The following RBM28 variants were observed in gnomAD, a reference collection of about 807,000 sequenced individuals.
RBM28 encodes the protein RNA binding motif protein 28, also known as RNA-binding protein 28.
A neutral mutation model predicts 98.3 loss-of-function variants in RBM28; 78 were observed. That is an observed-to-expected ratio of 0.79 (90% CI 0.66 to 0.96). The LOEUF (loss-of-function observed/expected upper bound fraction) is 0.96. Among genes scored for constraint, RBM28 ranks in the 40% least tolerant of loss-of-function variants. The pLI, the probability that RBM28 is intolerant of heterozygous loss-of-function variation, is 0.00. For missense variants in RBM28, 838 were observed against 913.0 expected, an observed-to-expected ratio of 0.92 and a Z score of 1.06; for synonymous variants, 306 against 330.9, an observed-to-expected ratio of 0.92 and a Z score of 0.82.
chr7:128,336,346 T>C (rs1246478133), intron 6 of RBM28, among the ~76,000 whole-genome samples: 2 of 152,224 alleles, frequency 1.3e-5, no homozygotes, highest in African/African-American at 2.4e-5. Flanking sequence ...TCGTACATCA[T>C]AGCCAGCAAA....
At chr7:128,339,023 T>C (rs1412512481) in intron 3 of RBM28, among the ~76,000 whole-genome samples, 1 of 152,204 alleles carries the variant, frequency 6.6e-6, no homozygotes, top group East Asian at 1.9e-4. Context: ...TCTTTCTCAG[T>C]AGTAGTTTCC....
rs1795879325 is a variant in RBM28 at position 128,306,975 on chromosome 7, T to C, written c.*3822A>G. 1 of 151,984 alleles carries C rather than the reference T, an allele frequency of 6.6e-6. No individual in the cohort carries two copies. The highest frequency in any genetic ancestry group is 1.5e-5 in the Non-Finnish European group (1 of 68,050). 9.4% of individuals were successfully genotyped at this position (151,984 alleles called of 1,614,324 possible). ...AAGAAGGAAAGAACTAAAACAAGGATGTGAATAACTTCTAAACTGGTCAGC... is the reference window on the plus strand; with the variant it reads ...AAGAAGGAAAGAACTAAAACAAGGACGTGAATAACTTCTAAACTGGTCAGC... On this transcript the variant is annotated 3_prime_UTR_variant, in exon 19 of 19. Transcript: ENST00000223073.
At chr7:128,338,659 A>G (rs967651113) in intron 4 of RBM28, 67 bp downstream of exon 4, 2 of 1,147,622 alleles carry the variant, frequency 1.7e-6, no homozygotes, top group African/African-American at 1.5e-5. Flanking sequence ...CATATATATC[A>G]TATATGTTTG....
At position 128,302,757 on chromosome 7, in the gene RBM28, A is replaced by G. The variant is rs927702141; in HGVS notation, c.*8040T>C. ...GCAGGAAAAGAAGCTGGTCAAGTAAAGGGTTTAATCCTTTTTTATTTTTAT... is the reference window on the plus strand; with the variant it reads ...GCAGGAAAAGAAGCTGGTCAAGTAAGGGGTTTAATCCTTTTTTATTTTTAT... On this transcript the variant is annotated 3_prime_UTR_variant, in exon 19 of 19. Transcript: ENST00000223073. 1.3e-5 allele frequency: 2 copies of G among 152,148 alleles called. No individual in the cohort carries two copies. The highest frequency in any genetic ancestry group is 1.3e-4 in the Admixed American group (2 of 15,268). The allele number at this position is 152,148 out of a possible 1,614,324, so 9.4% of individuals were successfully genotyped here.
In RBM28 at chr7:128,339,657, TG is replaced by T; in HGVS notation, c.252del (p.Asn84LysfsTer33). 6.2e-7 allele frequency: 1 copy of T among 1,614,162 alleles called. No individual in the cohort carries two copies. The highest frequency in any genetic ancestry group is 8.5e-7 in the Non-Finnish European group (1 of 1,180,002). On this transcript the variant is annotated frameshift_variant, in exon 2 of 19. Transcript: ENST00000223073. LOFTEE classifies it high-confidence loss of function. ...CCATTTTTCCCCTTTTCCTTTGTCT[TG>T]TTCCTCAGTTTTTTCTTGGCAACAG... ...NVTVAKKKLR[N>X]KTKEKGKNEN...
intron 5 of RBM28, 50 bp downstream of exon 5, chr7:128,338,200 C>T (rs1345413214): frequency 4.2e-6 from 6 of 1,445,516 alleles, no homozygotes; most frequent in Non-Finnish European, 4.9e-6. Flanking sequence ...CACTAATTCA[C>T]CAAAACACCA....
intron 15 of RBM28, 82 bp from the exon 16 acceptor site, chr7:128,317,815 C>G: frequency 6.7e-7 from 1 of 1,487,512 alleles, no homozygotes; most frequent in Non-Finnish European, 9.3e-7. Flanking sequence ...CTTCACACAT[C>G]CTCCCCCAAC....
At chr7:128,331,141 C>T (rs1796471700) in intron 9 of RBM28, among the ~76,000 whole-genome samples, 1 of 152,180 alleles carries the variant, frequency 6.6e-6, no homozygotes, top group East Asian at 1.9e-4. Flanking sequence ...TAAACAGACA[C>T]ATACAAAGAC....
Position 128,314,769 on chromosome 7 carries a change from T to C in RBM28, c.2040A>G (p.Lys680=), listed in dbSNP as rs199732946. Residue 680 remains lysine, a synonymous_variant, in exon 17 of 19, where the codon AAA becomes AAG. Coordinates refer to ENST00000223073, the MANE Select transcript of RBM28 (RefSeq NM_018077.3). The stretch of plus-strand genomic sequence containing the variant: ...TCTGCCCTCCTGCATCTCACCTGAT[T>C]TTGGGGCCTCGGTGTGAGGGGAGCG... The part of the protein sequence containing the change: ...VLALPSHRGP[K]IRLRDKGKVK... 2.8e-5 allele frequency: 46 copies of C among 1,614,214 alleles called. No individual in the cohort carries two copies. In the East Asian group the frequency reaches 9.6e-4, roughly 34 times the overall value.
intron 1 of RBM28, among the ~76,000 whole-genome samples, chr7:128,341,374 T>C (rs999878231): frequency 4.6e-5 from 7 of 152,254 alleles, no homozygotes; most frequent in African/African-American, 7.2e-5. Flanking sequence ...TAAAAGAGTT[T>C]GACACCCAAA....
At chr7:128,343,001 T>C (rs1402274848) in intron 1 of RBM28, among the ~76,000 whole-genome samples, 1 of 152,234 alleles carries the variant, frequency 6.6e-6, no homozygotes, top group Non-Finnish European at 1.5e-5. Context: ...ATTTTTCTCC[T>C]TAGCATTTGA....
chr7:128,325,739 C>T lies in RBM28; in HGVS notation c.1203+79G>A, dbSNP rs1018672844. The T allele has an allele frequency of 4.1e-6, 4 of 964,814 alleles. No homozygotes were observed. The African/African-American group carries it at 4.9e-5, about 12-fold the overall frequency. 59.8% of individuals were successfully genotyped at this position (964,814 alleles called of 1,614,324 possible). On this transcript the variant is annotated intron_variant, in intron 11 of 18. Transcript: ENST00000223073. The stretch of plus-strand genomic sequence containing the variant: ...ACTGACAAGAAAAATAATAATAAAG[C>T]TTTGTATAAATACCAGATGTTGCCC...
rs1795725628 is a variant in RBM28, at chr7:128,297,832, T to C, written c.*12965A>G. ...ATAAAAAATGATGAGTTCATGTCCT[T>C]TGTAGGGACACGGATGAAATTGAAA... On this transcript the variant is annotated 3_prime_UTR_variant, in exon 19 of 19. Coordinates refer to ENST00000223073, the MANE Select transcript of RBM28 (RefSeq NM_018077.3). 1 of 151,700 alleles carries C rather than the reference T, an allele frequency of 6.6e-6. No individual in the cohort carries two copies. Among genetic ancestry groups the C allele is most frequent in the Non-Finnish European group, 1.5e-5 (1 of 67,960 alleles). 9.4% of individuals were successfully genotyped at this position (151,700 alleles called of 1,614,324 possible).
Position 128,309,472 on chromosome 7 carries a change from A to C in RBM28, c.*1325T>G, listed in dbSNP as rs1795933004. 6.6e-6 allele frequency: 1 copy of C among 152,060 alleles called. No individual in the cohort carries two copies. The highest frequency in any genetic ancestry group is 1.5e-5 in the Non-Finnish European group (1 of 68,050). 9.4% of individuals were successfully genotyped at this position (152,060 alleles called of 1,614,324 possible). A position where few individuals can be genotyped will look rare whatever the true frequency, so the allele number is the denominator to read the frequency against. ...ACATGGTGAAACCCCATCTCTACTA[A>C]AAATACAAAATTTAGCCAAGAATGG... On this transcript the variant is annotated 3_prime_UTR_variant, in exon 19 of 19. Transcript: ENST00000223073.
rs1795796017 is a variant in RBM28, at chr7:128,302,536, C to T, written c.*8261G>A. On this transcript the variant is annotated 3_prime_UTR_variant, in exon 19 of 19. Transcript: ENST00000223073. ...TAAAACTGAGTAGAGCCAGCGCACC[C>T]TTTCCCTATTAGCAACCTCTAAGGG... 1 of 152,192 alleles carries T rather than the reference C, an allele frequency of 6.6e-6. No individual in the cohort carries two copies. Among genetic ancestry groups the T allele is most frequent in the Non-Finnish European group, 1.5e-5 (1 of 68,044 alleles). The allele number at this position is 152,192 out of a possible 1,614,324, so 9.4% of individuals were successfully genotyped here.
rs1182007227 is a variant in RBM28 at position 128,325,811 on chromosome 7, T to A, written c.1203+7A>T. The A allele has an allele frequency of 6.2e-7, 1 of 1,609,538 alleles. No homozygotes were observed. Among genetic ancestry groups the A allele is most frequent in the Admixed American group, 1.7e-5 (1 of 60,000 alleles). Reference sequence around the variant, plus strand: ...GTGTTATAAGGTAAAGGAAATATCTTCCTTACCTCATTCTCTGGAGAAGCA... The same window carrying A: ...GTGTTATAAGGTAAAGGAAATATCTACCTTACCTCATTCTCTGGAGAAGCA... On this transcript the variant is annotated splice_region_variant and intron_variant, in intron 11 of 18. Transcript: ENST00000223073.
rs1774769995 is a variant in RBM28, at chr7:128,297,902, C to T, written c.*12895G>A. 6.8e-6 allele frequency: 1 copy of T among 146,720 alleles called. No homozygotes were observed. Among genetic ancestry groups the T allele is most frequent in the Admixed American group, 7.0e-5 (1 of 14,376 alleles). 9.1% of individuals were successfully genotyped at this position (146,720 alleles called of 1,614,324 possible). A position where few individuals can be genotyped will look rare whatever the true frequency, so the allele number is the denominator to read the frequency against. ...TATCGCAAGAACAAAAAACCAAACACCGCATATTCTCACTCATAGGTGGGA... is the reference window on the plus strand; with the variant it reads ...TATCGCAAGAACAAAAAACCAAACATCGCATATTCTCACTCATAGGTGGGA... On this transcript the variant is annotated 3_prime_UTR_variant, in exon 19 of 19. Coordinates refer to ENST00000223073, the MANE Select transcript of RBM28 (RefSeq NM_018077.3).
chr7:128,325,855 G>A lies in RBM28; in HGVS notation c.1166C>T (p.Ala389Val). 2 of 1,613,766 alleles carry A rather than the reference G, an allele frequency of 1.2e-6. No homozygotes were observed. The highest frequency in any genetic ancestry group is 1.7e-6 in the Non-Finnish European group (2 of 1,179,952). The change falls in exon 11 of 19, where the codon GCT (alanine) becomes GTT (valine). Residue 389 changes from alanine to valine, a missense_variant. Ala to Val is a moderately conservative substitution (Grantham distance 64). Transcript: ENST00000223073. Reference protein sequence around the residue: ...AFAQFMTQEAAQKCLLAASPE... With the variant: ...AFAQFMTQEAVQKCLLAASPE... ...AGAAGCAGCTAGAAGGCATTTCTGA[G>A]CTGCTTCTTGAGTCATGAACTGGGC...
At position 128,323,384 on chromosome 7, in the gene RBM28, A is replaced by G. The variant is rs1796277868; in HGVS notation, c.1404+143T>C. The stretch of plus-strand genomic sequence containing the variant: ...TGTTGGGTTACTTGCTATTTCACCT[A>G]TGTGCTTTTCTCCCTAACAGGGCAA... On this transcript the variant is annotated intron_variant, in intron 13 of 18. Transcript: ENST00000223073. 1.9e-5 allele frequency: 17 copies of G among 903,210 alleles called. No individual in the cohort carries two copies. In the South Asian group the frequency reaches 2.2e-4, roughly 12 times the overall value. 55.9% of individuals were successfully genotyped at this position (903,210 alleles called of 1,614,324 possible).
Sources: gnomAD v4.1 joint callset for allele counts (sites outside exome capture counted in the v4.1 genomes callset) on GRCh38, gnomAD v4.1.1 for gene constraint, MANE v1.5 for transcripts, NCBI Gene and HGNC (gene_info 2026-07-23, HGNC 2026-07-21) for gene names.